Variants in TLN2 observed in about 807,000 individuals in gnomAD.
TLN2 encodes talin 2, also known as talin-2.
In TLN2, 118 loss-of-function variants were observed where a neutral mutation model predicts 294.7. The observed-to-expected ratio is 0.40, with a 90% CI of 0.34 to 0.47. The LOEUF (loss-of-function observed/expected upper bound fraction) is 0.47. Ranked by LOEUF, TLN2 falls within the 20% of genes least tolerant of loss-of-function variation. The probability of loss-of-function intolerance (pLI) is 0.84; values close to 1 mark genes in which losing one functional copy is unlikely to be tolerated. For synonymous variants in TLN2, 1,431 were observed against 1,304.5 expected, an observed-to-expected ratio of 1.10 and a Z score of -2.09; for missense variants, 3,083 against 3,282.2, an observed-to-expected ratio of 0.94 and a Z score of 1.48.
rs2060483711 is a variant in TLN2 at position 62,727,149 on chromosome 15, G to A, written c.3318G>A (p.Gln1106=). ...AGGCGGTGGGCTCCTCCATGGCACA[G>A]CTGCTGACCTGTGCTGCTCAAGGCA... ...TSKAVGSSMA[Q]LLTCAAQGNE... Residue 1106 remains glutamine, a synonymous_variant, in exon 28 of 59, where the codon CAG becomes CAA. Transcript: ENST00000636159. The A allele has an allele frequency of 6.2e-7, 1 of 1,614,234 alleles. No homozygotes were observed.
At chr15:62,698,288 T>C (rs187361157) in intron 15 of TLN2, among the ~76,000 whole-genome samples, 3 of 152,354 alleles carry the variant, frequency 2.0e-5, no homozygotes, top group Admixed American at 6.5e-5. Context: ...GGGACTCCCT[T>C]GCTATTGTGT....
At chr15:62,700,667 T>G (rs996283387) in intron 16 of TLN2, among the ~76,000 whole-genome samples, 7 of 152,198 alleles carry the variant, frequency 4.6e-5, no homozygotes, top group Admixed American at 6.5e-5. Flanking sequence ...ATTTCCTACA[T>G]TGACAGAGAA....
intron 12 of TLN2, among the ~76,000 whole-genome samples, chr15:62,692,152 G>T (rs1198845071): frequency 6.6e-6 from 1 of 152,204 alleles, no homozygotes; most frequent in Non-Finnish European, 1.5e-5. Flanking sequence ...TAAGGTTCCT[G>T]CTCAAACCCT....
intron 1 of TLN2, among the ~76,000 whole-genome samples, chr15:62,401,098 T>G (rs981482212): frequency 6.6e-6 from 1 of 152,114 alleles, no homozygotes; most frequent in Non-Finnish European, 1.5e-5. Context: ...TTTCTAATGA[T>G]GCTTATCAGT....
chr15:62,512,264 T>C (rs954343116), intron 1 of TLN2, among the ~76,000 whole-genome samples: 1 of 152,156 alleles, frequency 6.6e-6, no homozygotes, highest in Non-Finnish European at 1.5e-5. Flanking sequence ...AATTACTACA[T>C]CATTTCTTGG....
chr15:62,808,848 C>G (rs1469848757), intron 51 of TLN2, among the ~76,000 whole-genome samples: 2 of 152,192 alleles, frequency 1.3e-5, no homozygotes, highest in African/African-American at 4.8e-5. Flanking sequence ...ACATGACATG[C>G]TGGCCATGAG....
In TLN2 at chr15:62,755,646, G is replaced by T; in HGVS notation, c.4591G>T (p.Ala1531Ser). 6.2e-7 allele frequency: 1 copy of T among 1,614,266 alleles called. No homozygotes were observed. Residue 1531 changes from alanine to serine, a missense_variant, in exon 37 of 59, where the codon GCC becomes TCC. Ala to Ser is a moderately conservative substitution (Grantham distance 99). Coordinates refer to ENST00000636159, the MANE Select transcript of TLN2 (RefSeq NM_015059.3). ...AGCCAAGAGGCACTTCGTCCAGTCA[G>T]CCAAGGAAGTCGCCAACAGCACTGC... is the stretch of plus-strand genomic sequence containing the variant. ...PVAKRHFVQSAKEVANSTANL... is the reference protein window; with the variant it reads ...PVAKRHFVQSSKEVANSTANL...
intron 1 of TLN2, among the ~76,000 whole-genome samples, chr15:62,467,435 G>A (rs528510076): frequency 1.4e-4 from 22 of 152,328 alleles, no homozygotes; most frequent in Middle Eastern, 3.4e-3. Flanking sequence ...GCTCACGCCT[G>A]TAATCCCAGC....
chr15:62,558,123 G>A lies in TLN2; in HGVS notation c.-237-31564G>A, dbSNP rs540320883. 1.7e-4 allele frequency among the ~76,000 whole-genome samples: 26 copies of A among 152,236 alleles called. No individual in the cohort carries two copies. In the East Asian group the frequency reaches 4.0e-3, roughly 24 times the overall value. Reference sequence around the variant, plus strand: ...AATTTGAAAGCTATCATTGTAATTCGTTTTACTAATTTAAATCGTGTTTGT... The same window carrying A: ...AATTTGAAAGCTATCATTGTAATTCATTTTACTAATTTAAATCGTGTTTGT... On this transcript the variant is annotated intron_variant, in intron 1 of 58. Transcript: ENST00000636159.
chr15:62,706,208 C>A (rs1252813457), intron 19 of TLN2, among the ~76,000 whole-genome samples: 1 of 56,534 alleles, frequency 1.8e-5, no homozygotes, highest in Non-Finnish European at 6.1e-5. Context: ...GAAGGCATTT[C>A]CAAGTCAAAT....
chr15:62,552,634 A>G (rs1305536073), intron 1 of TLN2, among the ~76,000 whole-genome samples: 2 of 152,364 alleles, frequency 1.3e-5, no homozygotes, highest in Middle Eastern at 3.4e-3. Flanking sequence ...TCCTAAGCTC[A>G]AGAAGGCTGT....
intron 48 of TLN2, 70 bp downstream of exon 48, chr15:62,797,472 A>G (rs2065580450): frequency 1.4e-6 from 2 of 1,474,430 alleles, no homozygotes; most frequent in Non-Finnish European, 9.0e-7. Flanking sequence ...GCCTCAGAAG[A>G]GGCCTAAGGC....
intron 58 of TLN2, 105 bp from the exon 59 acceptor site, chr15:62,840,377 G>C: frequency 6.7e-7 from 1 of 1,489,954 alleles, no homozygotes; most frequent in Non-Finnish European, 9.1e-7. Flanking sequence ...ATGTGCTGCA[G>C]TGTCCCACGG....
At chr15:62,601,991 A>G (rs1412806233) in intron 2 of TLN2, among the ~76,000 whole-genome samples, 2 of 152,188 alleles carry the variant, frequency 1.3e-5, no homozygotes, top group African/African-American at 2.4e-5. Flanking sequence ...CAAATGTTAC[A>G]GGATTGTCTT....
chr15:62,701,307 A>C (rs375625587), intron 17 of TLN2, 93 bp downstream of exon 17: 5 of 1,061,436 alleles, frequency 4.7e-6, no homozygotes, highest in Non-Finnish European at 6.8e-6. Context: ...CTGTTGATTG[A>C]AACAATAGAC....
chr15:62,796,033 A>T (rs944749376), intron 46 of TLN2, 94 bp from the exon 47 acceptor site: 7 of 1,482,474 alleles, frequency 4.7e-6, no homozygotes, highest in Non-Finnish European at 5.5e-6. Context: ...AGCTACATCA[A>T]CTCCTAGGAG....
In TLN2 at chr15:62,771,078, G is replaced by A. The variant is rs746598804; in HGVS notation, c.5311G>A (p.Ala1771Thr). ...GGTGCTGGACCAGACCAAGACTCTC[G>A]CAGAGTCTGCCTTGCAGATGTTGTA... ...MTVLDQTKTL[A>T]ESALQMLYAA... is the part of the protein sequence containing the mutation. The change falls in exon 42 of 59, where the codon GCA becomes ACA. Residue 1771 changes from alanine to threonine, a missense_variant. Ala to Thr is a moderately conservative substitution (Grantham distance 58). Coordinates refer to ENST00000636159, the MANE Select transcript of TLN2 (RefSeq NM_015059.3). 51 of 1,613,498 alleles carry A rather than the reference G, an allele frequency of 3.2e-5. 1 individual carries two copies. The highest frequency in any genetic ancestry group is 5.3e-5 in the African/African-American group (4 of 74,854).
chr15:62,514,617 G>A (rs1270559911), intron 1 of TLN2, among the ~76,000 whole-genome samples: 1 of 152,210 alleles, frequency 6.6e-6, no homozygotes. Flanking sequence ...GAAAGAAAGG[G>A]AAATTGTATC....
intron 1 of TLN2, among the ~76,000 whole-genome samples, chr15:62,445,406 G>C (rs1246438793): frequency 6.6e-6 from 1 of 152,134 alleles, no homozygotes; most frequent in Admixed American, 6.6e-5. Context: ...AGGAATAAGA[G>C]GTATCACAGT....
Sources: allele counts gnomAD v4.1 joint callset (sites outside exome capture counted in the v4.1 genomes callset), GRCh38; gene constraint gnomAD v4.1.1; transcripts MANE v1.5; gene names NCBI Gene and HGNC (gene_info 2026-07-23, HGNC 2026-07-21).